Variants in STKLD1 observed in about 807,000 individuals in gnomAD.
The protein encoded by STKLD1 is serine/threonine kinase like domain containing 1.
STKLD1 carries 79 observed loss-of-function variants against 80.4 expected under a neutral mutation model. The ratio of observed to expected loss-of-function variants is 0.98; its 90% confidence interval spans 0.82 to 1.19. The LOEUF is 1.19. STKLD1 is among the 50% of genes most tolerant of loss of function. The pLI, the probability that STKLD1 is intolerant of heterozygous loss-of-function variation, is 0.00. For synonymous variants in STKLD1, 393 were observed against 357.6 expected (o/e 1.10, Z -1.12); for missense variants, 841 against 856.0 (o/e 0.98, Z 0.22).
intron 7 of STKLD1, among the ~76,000 whole-genome samples, chr9:133,392,108 G>A (rs1225709219): frequency 7.0e-6 from 1 of 141,856 alleles, no homozygotes; most frequent in Admixed American, 7.7e-5. Flanking sequence ...GCGGAGTCTC[G>A]CTCTGTCGCC....
chr9:133,380,688 A>C (rs1040952509), intron 2 of STKLD1, among the ~76,000 whole-genome samples: 11 of 152,238 alleles, frequency 7.2e-5, no homozygotes, highest in Middle Eastern at 3.4e-3. Flanking sequence ...AAAAATAAAA[A>C]TATCACCCAA....
At chr9:133,392,639 A>ATGGGTGGG (rs1564380074) in intron 7 of STKLD1, among the ~76,000 whole-genome samples, 1 of 65,224 alleles carries the variant, frequency 1.5e-5, no homozygotes, top group Non-Finnish European at 3.0e-5. Context: ...GGATGGATGG[A>ATGGGTGGG]TAGGTGGGTG....
At chr9:133,404,169 G>A in intron 16 of STKLD1, 121 bp downstream of exon 16, 1 of 1,300,618 alleles carries the variant, frequency 7.7e-7, no homozygotes, top group Non-Finnish European at 1.0e-6. Flanking sequence ...AAAAGGAAAA[G>A]AAATTAAAAA....
chr9:133,377,668 AG>A (rs1458119311), intron 1 of STKLD1, among the ~76,000 whole-genome samples: 5 of 150,794 alleles, frequency 3.3e-5, no homozygotes, highest in Non-Finnish European at 4.4e-5. Flanking sequence ...TGTCTCAGAA[AG>A]AAAAAAAAAA....
chr9:133,390,247 A>G lies in STKLD1; in HGVS notation c.468-434A>G, dbSNP rs1838358394. ...CACACACACACACACACACACACACACACACCACGCAGACCATACGTACAA... is the reference window on the plus strand; with the variant it reads ...CACACACACACACACACACACACACGCACACCACGCAGACCATACGTACAA... On this transcript the variant is annotated intron_variant, in intron 6 of 17. Transcript: ENST00000371957. This position sits in a 1 kb window ranked among gnomAD's most constrained non-coding sequence, Gnocchi z 5.1. Among the ~76,000 whole-genome samples the G allele has an allele frequency of 6.9e-5, 7 of 101,592 alleles. No homozygotes were observed. Among genetic ancestry groups the G allele is most frequent in the Admixed American group, 6.0e-4 (6 of 9,986 alleles). 66.6% of individuals were successfully genotyped at this position (101,592 alleles called of 152,430 possible).
In STKLD1 at chr9:133,402,955, G is replaced by C. The variant is rs3124747; in HGVS notation, c.1417G>C (p.Glu473Gln). Residue 473 changes from glutamate to glutamine, a missense_variant, in exon 14 of 18, where the codon GAA becomes CAA. Transcript: ENST00000371957. ...HILEHLNSSL[E>Q]SRDVCASGLG... Reference sequence around the variant, plus strand: ...CCTGGAGCACCTCAACAGCTCCCTCGAAAGCAGGGACGTCTGCGCCAGCGG... The same window carrying C: ...CCTGGAGCACCTCAACAGCTCCCTCCAAAGCAGGGACGTCTGCGCCAGCGG... 6.5e-5 allele frequency: 103 copies of C among 1,580,304 alleles called. No individual in the cohort carries two copies. In the African/African-American group the frequency reaches 1.2e-3, roughly 18 times the overall value.
intron 2 of STKLD1, among the ~76,000 whole-genome samples, chr9:133,382,481 GTGGTAGTGGTGGTGA>G (rs1838154660): frequency 1.3e-5 from 2 of 151,790 alleles, no homozygotes; most frequent in South Asian, 4.2e-4. Flanking sequence ...GGCAATGATG[GTGGTAGTGGTGGTGA>G]TGGTGGTGGC....
chr9:133,400,826 C>G (rs1294916774), intron 12 of STKLD1, among the ~76,000 whole-genome samples: 1 of 152,052 alleles, frequency 6.6e-6, no homozygotes, highest in East Asian at 1.9e-4. Flanking sequence ...AGGGCACAGG[C>G]CAGGAGCTTG....
At position 133,389,214 on chromosome 9, in the gene STKLD1, C is replaced by T. The variant is rs1838328738; in HGVS notation, c.397-312C>T. The T allele has an allele frequency of 1.0e-6, 1 of 985,276 alleles. No individual in the cohort carries two copies. Among genetic ancestry groups the T allele is most frequent in the Non-Finnish European group, 1.2e-6 (1 of 829,922 alleles). The allele number at this position is 985,276 out of a possible 1,614,324, so 61.0% of individuals were successfully genotyped here. A position where few individuals can be genotyped will look rare whatever the true frequency, so the allele number is the denominator to read the frequency against. On this transcript the variant is annotated intron_variant, in intron 5 of 17. Transcript: ENST00000371957. The surrounding 1 kb of genome is among the most constrained non-coding windows in gnomAD (Gnocchi z 6.4). ...AGGCCGATCTGCCTTCAGCTCCCAG[C>T]AAGTGTGGGGCAGCGCGGGCCACAG... is the stretch of plus-strand genomic sequence containing the variant.
At position 133,385,884 on chromosome 9, in the gene STKLD1, A is replaced by G. The variant is rs1838253962; in HGVS notation, c.294+193A>G. On this transcript the variant is annotated intron_variant, in intron 4 of 17. Coordinates refer to ENST00000371957, the MANE Select transcript of STKLD1 (RefSeq NM_153710.5). The surrounding 1 kb of genome is among the most constrained non-coding windows in gnomAD (Gnocchi z 4.9). ...ACCATGCTGGGGGCTTTCGGTGCATAGTCTCATAGGAGCCCCAAAAACCTC... is the reference window on the plus strand; with the variant it reads ...ACCATGCTGGGGGCTTTCGGTGCATGGTCTCATAGGAGCCCCAAAAACCTC... Among the ~76,000 whole-genome samples, 1 of 151,440 alleles carries G rather than the reference A, an allele frequency of 6.6e-6. No homozygotes were observed. The highest frequency in any genetic ancestry group is 6.6e-5 in the Admixed American group (1 of 15,238).
chr9:133,400,339 G>A (rs1838667157), intron 11 of STKLD1, 74 bp from the exon 12 acceptor site: 4 of 1,100,932 alleles, frequency 3.6e-6, no homozygotes, highest in Non-Finnish European at 5.5e-6. Flanking sequence ...ACCAGCCTCT[G>A]GGGGCCCTGG....
chr9:133,387,151 G>A (rs1269519038), intron 4 of STKLD1, among the ~76,000 whole-genome samples: 1 of 152,210 alleles, frequency 6.6e-6, no homozygotes, highest in Non-Finnish European at 1.5e-5. Context: ...GGGGTGGGTA[G>A]TGGTCCAAGC....
chr9:133,400,364 C>A, intron 11 of STKLD1, 49 bp from the exon 12 acceptor site: 1 of 1,464,208 alleles, frequency 6.8e-7, no homozygotes, highest in Non-Finnish European at 9.5e-7. Flanking sequence ...GTCTATATGC[C>A]CCCGATCTGG....
intron 7 of STKLD1, among the ~76,000 whole-genome samples, chr9:133,391,137 G>A (rs2130288118): frequency 2.5e-5 from 3 of 118,378 alleles, no homozygotes; most frequent in African/African-American, 7.9e-5. Flanking sequence ...GGAGGGAGGT[G>A]GGGGGGGTCA....
At position 133,394,648 on chromosome 9, in the gene STKLD1, C is replaced by T. The variant is rs587689504; in HGVS notation, c.702+239C>T. 33 of 506,814 alleles carry T rather than the reference C, an allele frequency of 6.5e-5. No individual in the cohort carries two copies. Among genetic ancestry groups the T allele is most frequent in the Admixed American group, 6.5e-5 (2 of 30,818 alleles). 31.4% of individuals were successfully genotyped at this position (506,814 alleles called of 1,614,324 possible). On this transcript the variant is annotated intron_variant, in intron 8 of 17. Coordinates refer to ENST00000371957, the MANE Select transcript of STKLD1 (RefSeq NM_153710.5). This position sits in a 1 kb window ranked among gnomAD's most constrained non-coding sequence, Gnocchi z 4.9. ...CAGTGGTAATATTCAGACCATCCCA[C>T]GCGACCCTCGCAGCAGCCCTCCAGG...
intron 7 of STKLD1, among the ~76,000 whole-genome samples, chr9:133,393,440 G>C (rs1838470820): frequency 6.8e-6 from 1 of 146,006 alleles, no homozygotes; most frequent in Non-Finnish European, 1.5e-5. Context: ...GGGTGGATGG[G>C]TGAGTGCATG....
intron 12 of STKLD1, among the ~76,000 whole-genome samples, chr9:133,401,120 T>C (rs1564384328): frequency 6.8e-6 from 1 of 148,078 alleles, no homozygotes; most frequent in African/African-American, 2.6e-5. Context: ...ATGATTTTTT[T>C]TGAAACAAAA....
At chr9:133,381,582 C>T (rs1368141123) in intron 2 of STKLD1, among the ~76,000 whole-genome samples, 1 of 151,688 alleles carries the variant, frequency 6.6e-6, no homozygotes, top group African/African-American at 2.4e-5. Context: ...TCCGAAGTAG[C>T]TGGGATTACA....
intron 2 of STKLD1, among the ~76,000 whole-genome samples, chr9:133,382,168 C>T (rs1031909828): frequency 2.6e-5 from 4 of 152,160 alleles, no homozygotes; most frequent in African/African-American, 7.2e-5. Flanking sequence ...ACATTCCATG[C>T]GTGGAGACAA....
Sources: gnomAD v4.1 joint callset for allele counts (sites outside exome capture counted in the v4.1 genomes callset) on GRCh38, gnomAD v4.1.1 for gene constraint, Gnocchi (gnomAD v3.1) non-coding constraint, MANE v1.5 for transcripts, NCBI Gene and HGNC (gene_info 2026-07-23, HGNC 2026-07-21) for gene names.